Variants in KRABD1 observed in about 807,000 individuals in gnomAD.
The protein encoded by KRABD1 is KRAB domain-containing protein 1.
At chr3:42,938,931 G>C in the KRABD1 span, 1 of 1,530,980 alleles carries the variant, frequency 6.5e-7, no homozygotes, top group Non-Finnish European at 8.7e-7. Context: ...CCAGGCCCCA[G>C]GTGAGCTGTT....
the KRABD1 span, chr3:42,939,069 C>T: frequency 1.7e-6 from 1 of 584,634 alleles, no homozygotes; most frequent in Middle Eastern, 4.8e-4. Flanking sequence ...TATGTGTACA[C>T]ACACACATTT....
the KRABD1 span, chr3:42,938,667 T>G: frequency 5.4e-5 from 22 of 406,274 alleles, 1 homozygote; most frequent in South Asian, 1.2e-3. Context: ...ATTCCGTGGA[T>G]GATTCTACCT....
At chr3:42,938,384 T>C in the KRABD1 span, 1 of 152,370 alleles carries the variant, frequency 6.6e-6, no homozygotes, top group African/African-American at 2.4e-5. Flanking sequence ...CTTGTTCTAA[T>C]ATTAAGTAGC....
chr3:42,936,589 AC>A, the KRABD1 span: 1 of 152,438 alleles, frequency 6.6e-6, no homozygotes, highest in Non-Finnish European at 1.5e-5. Flanking sequence ...GAGGCCTGGA[AC>A]GCTGGCCGCA....
chr3:42,938,955 G>A, the KRABD1 span: 1 of 1,520,108 alleles, frequency 6.6e-7, no homozygotes, highest in Non-Finnish European at 8.8e-7. Context: ...TTCTATCTCT[G>A]TACATATCCC....
chr3:42,942,545 G>A, the KRABD1 span: 1 of 1,227,870 alleles, frequency 8.1e-7, no homozygotes. Context: ...TAGGATACTT[G>A]GAACTAAGAA....
At chr3:42,941,873 C>T in the KRABD1 span, 1 of 814,682 alleles carries the variant, frequency 1.2e-6, no homozygotes, top group Non-Finnish European at 2.0e-6. Flanking sequence ...CCTCACCTCC[C>T]TTGCTTGTTC....
the KRABD1 span, chr3:42,937,543 A>G: frequency 6.6e-6 from 1 of 152,276 alleles, no homozygotes; most frequent in East Asian, 1.9e-4. Flanking sequence ...TTCCACAATT[A>G]CAAGGGTTAA....
the KRABD1 span, chr3:42,942,740 C>T: frequency 2.3e-6 from 1 of 427,756 alleles, no homozygotes. Flanking sequence ...TTTCTGTAGA[C>T]TGGTAGATTT....
the KRABD1 span, chr3:42,941,123 T>C: frequency 8.8e-7 from 1 of 1,139,092 alleles, no homozygotes; most frequent in African/African-American, 1.5e-5. Flanking sequence ...GACCCAATAC[T>C]GAATACGTAT....
At chr3:42,942,175 A>C in the KRABD1 span, 3 of 781,648 alleles carry the variant, frequency 3.8e-6, no homozygotes, top group Non-Finnish European at 6.4e-6. Flanking sequence ...CATGGAGTAC[A>C]CTGGGATCCT....
the KRABD1 span, chr3:42,941,998 G>C: frequency 1.3e-6 from 2 of 1,536,010 alleles, no homozygotes; most frequent in Non-Finnish European, 1.7e-6. Flanking sequence ...CTCATCTGGA[G>C]CAAGGGAAAG....
At chr3:42,936,587 G>C in the KRABD1 span, 1 of 152,344 alleles carries the variant, frequency 6.6e-6, no homozygotes, top group Non-Finnish European at 1.5e-5. Flanking sequence ...CAGAGGCCTG[G>C]AACGCTGGCC....
the KRABD1 span, chr3:42,941,918 T>A: frequency 7.9e-7 from 1 of 1,263,956 alleles, no homozygotes; most frequent in Non-Finnish European, 1.1e-6. Flanking sequence ...CCCCTATGAC[T>A]ATGCTCATTA....
the KRABD1 span, chr3:42,941,952 G>A: frequency 5.3e-6 from 8 of 1,514,038 alleles, no homozygotes; most frequent in East Asian, 1.2e-4. Flanking sequence ...TCTTCTTTTC[G>A]AGCAGTGCCA....
chr3:42,938,919 A>C, the KRABD1 span: 1 of 1,532,282 alleles, frequency 6.5e-7, no homozygotes, highest in Non-Finnish European at 8.7e-7. Flanking sequence ...TGTCCTTAAC[A>C]ACCAGGCCCC....
the KRABD1 span, among the ~76,000 whole-genome samples, chr3:42,939,629 A>C: frequency 6.6e-6 from 1 of 152,152 alleles, no homozygotes; most frequent in East Asian, 1.9e-4. Flanking sequence ...AGTTTAGTAG[A>C]TACTGCCCAA....
chr3:42,941,592 C>T, the KRABD1 span, among the ~76,000 whole-genome samples: 1 of 152,096 alleles, frequency 6.6e-6, no homozygotes, highest in Non-Finnish European at 1.5e-5. Flanking sequence ...TACCCTTAGC[C>T]TAGTATTGAA....
chr3:42,940,232 TC>T, the KRABD1 span, among the ~76,000 whole-genome samples: 1 of 152,218 alleles, frequency 6.6e-6, no homozygotes, highest in African/African-American at 2.4e-5. Flanking sequence ...GAAAAATCTG[TC>T]TTTTACCCAC....
Sources: allele counts gnomAD v4.1 joint callset (sites outside exome capture counted in the v4.1 genomes callset), GRCh38; gene constraint gnomAD v4.1.1; transcripts MANE v1.5; gene names NCBI Gene and HGNC (gene_info 2026-07-23, HGNC 2026-07-21).